The following PCLAF variants were observed in gnomAD, a reference collection of about 807,000 sequenced individuals.
The protein encoded by PCLAF is PCNA clamp associated factor, also known as PCNA-associated factor.
Under a neutral mutation model 15.1 loss-of-function variants are expected in PCLAF, and 12 were observed. That is an observed-to-expected ratio of 0.79 (90% CI 0.51 to 1.29). PCLAF has a LOEUF of 1.29. Ranked by LOEUF, PCLAF falls within the 50% of genes most tolerant of loss-of-function variation. The pLI, the probability that PCLAF is intolerant of heterozygous loss-of-function variation, is 0.00. For synonymous variants in PCLAF, 33 were observed against 47.1 expected (o/e 0.70, Z 1.22); for missense variants, 116 against 130.9 (o/e 0.89, Z 0.56).
At chr15:64,385,836 C>G (rs1372380690), upstream of PCLAF, among the ~76,000 whole-genome samples, 1 of 152,014 alleles carries the variant, frequency 6.6e-6, no homozygotes, top group Non-Finnish European at 1.5e-5. Flanking sequence ...ATATTTCTTC[C>G]TTCTGGAGCT....
Position 64,365,992 on chromosome 15 carries a change from AAAC to A in PCLAF, c.*35_*37del. On this transcript the variant is annotated 3_prime_UTR_variant, in exon 4 of 4. Transcript: ENST00000300035. ...AATTTACATTCTAGAATACCAGGGT[AAAC>A]AAGGAGACGTTATTCAAAGATGAAT... The A allele has an allele frequency of 1.3e-6, 2 of 1,518,136 alleles. No individual in the cohort carries two copies. Among genetic ancestry groups the A allele is most frequent in the African/African-American group, 2.7e-5 (2 of 73,010 alleles). 94.0% of individuals were successfully genotyped at this position (1,518,136 alleles called of 1,614,324 possible). A position where few individuals can be genotyped will look rare whatever the true frequency, so the allele number is the denominator to read the frequency against.
At chr15:64,376,265 T>C (rs1899599150) in intron 3 of PCLAF, among the ~76,000 whole-genome samples, 3 of 152,122 alleles carry the variant, frequency 2.0e-5, no homozygotes, top group Admixed American at 2.0e-4. Context: ...TGAGTTATAA[T>C]AAGAAATTAG....
upstream of PCLAF, chr15:64,383,073 A>G (rs1390909425): frequency 1.3e-5 from 2 of 155,432 alleles, no homozygotes; most frequent in Non-Finnish European, 2.9e-5. Flanking sequence ...AGGCTACTCT[A>G]GAAGTGTAAA....
chr15:64,375,641 C>G (rs552899090), intron 3 of PCLAF, among the ~76,000 whole-genome samples: 25 of 152,280 alleles, frequency 1.6e-4, no homozygotes, highest in African/African-American at 5.8e-4. Context: ...GATCTGCCCA[C>G]TGTAGCCTCC....
chr15:64,381,935 GA>G (rs1899834670), upstream of PCLAF, among the ~76,000 whole-genome samples: 1 of 152,172 alleles, frequency 6.6e-6, no homozygotes, highest in African/African-American at 2.4e-5. Context: ...ATGGAATGGG[GA>G]AAAGGAAGCT....
chr15:64,370,320 C>T (rs762214979), intron 3 of PCLAF, among the ~76,000 whole-genome samples: 13 of 151,434 alleles, frequency 8.6e-5, no homozygotes, highest in Non-Finnish European at 1.8e-4. Context: ...CAATCCTCCC[C>T]CTTCAGTCTC....
intron 3 of PCLAF, among the ~76,000 whole-genome samples, chr15:64,370,635 T>C (rs1207810312): frequency 6.6e-6 from 1 of 151,866 alleles, no homozygotes; most frequent in Non-Finnish European, 1.5e-5. Context: ...TTTCAAAATG[T>C]TGGGATTACA....
At chr15:64,374,568 G>A (rs1179142949) in intron 3 of PCLAF, among the ~76,000 whole-genome samples, 1 of 151,916 alleles carries the variant, frequency 6.6e-6, no homozygotes, top group African/African-American at 2.4e-5. Context: ...ACACTGGCCA[G>A]GTGTGGCAGC....
In PCLAF at chr15:64,374,928, C is replaced by T. The variant is rs141042250; in HGVS notation, c.290+1815G>A. 7.3e-5 allele frequency among the ~76,000 whole-genome samples: 11 copies of T among 151,338 alleles called. 1 individual carries two copies. In the East Asian group the frequency reaches 1.9e-3, roughly 27 times the overall value. On this transcript the variant is annotated intron_variant, in intron 3 of 3. Transcript: ENST00000300035. ...TTCATGAAATACAACGGATGAAACT[C>T]GGAAACTTTTTTTTAAAGGTTGCAC...
At position 64,380,908 on chromosome 15, in the gene PCLAF, G is replaced by A. The variant is rs1022444400; in HGVS notation, c.127+50C>T. The A allele has an allele frequency of 8.7e-6, 13 of 1,491,182 alleles. No homozygotes were observed. In the Admixed American group the frequency reaches 1.9e-4, roughly 22 times the overall value. 92.4% of individuals were successfully genotyped at this position (1,491,182 alleles called of 1,614,324 possible). On this transcript the variant is annotated intron_variant, in intron 2 of 3. Transcript: ENST00000300035. ...AAAAGAAATTCATGGCAAGCCAGGG[G>A]CTTGCAGGTGCCAGGACTGATCCCC... is the stretch of plus-strand genomic sequence containing the variant.
chr15:64,379,258 C>T (rs757194473), intron 2 of PCLAF, among the ~76,000 whole-genome samples: 86 of 152,100 alleles, frequency 5.7e-4, no homozygotes, highest in Middle Eastern at 6.8e-3. Flanking sequence ...GGGAGGATTG[C>T]TTCAGCCCAG....
At chr15:64,374,770 C>A (rs932772036) in intron 3 of PCLAF, among the ~76,000 whole-genome samples, 1 of 148,762 alleles carries the variant, frequency 6.7e-6, no homozygotes. Context: ...CAATCGAACC[C>A]AGGAGGCAGA....
intron 2 of PCLAF, among the ~76,000 whole-genome samples, chr15:64,377,407 C>T (rs1899635096): frequency 7.1e-6 from 1 of 140,556 alleles, no homozygotes; most frequent in Admixed American, 7.5e-5. Flanking sequence ...TCGGAGGTTG[C>T]AGTGAGCCAA....
chr15:64,374,363 C>A (rs1899500563), intron 3 of PCLAF, among the ~76,000 whole-genome samples: 1 of 150,862 alleles, frequency 6.6e-6, no homozygotes, highest in African/African-American at 2.4e-5. Flanking sequence ...ACGGTGAAAT[C>A]CCATCTCTAC....
At chr15:64,386,351 T>C (rs148188273), upstream of PCLAF, among the ~76,000 whole-genome samples, 182 of 152,266 alleles carry the variant, frequency 1.2e-3, no homozygotes, top group African/African-American at 4.1e-3. Flanking sequence ...AAAAAGGCCT[T>C]GCTCTGTCGC....
Position 64,381,348 on chromosome 15 carries a change from ACTGT to A in PCLAF, c.20_23del (p.Asp7ValfsTer84), listed in dbSNP as rs1899813581. 4 of 1,614,188 alleles carry A rather than the reference ACTGT, an allele frequency of 2.5e-6. No homozygotes were observed. Among genetic ancestry groups the A allele is most frequent in the Non-Finnish European group, 3.4e-6 (4 of 1,180,032 alleles). ...CACCTTTTCTGTAAGTGCCTGGAAC[ACTGT>A]CTGCTTTAGTCCGCACCATGTTCAA... On this transcript the variant is annotated frameshift_variant, in exon 1 of 4. Transcript: ENST00000300035. LOFTEE classifies it high-confidence loss of function.
chr15:64,366,695 G>C (rs60919600), intron 3 of PCLAF, among the ~76,000 whole-genome samples: 1,694 of 151,976 alleles, frequency 0.011, 36 homozygotes, highest in African/African-American at 0.039. Flanking sequence ...AAATCAGGCC[G>C]GGGTCGGTGG....
chr15:64,367,396 G>T (rs977373089), intron 3 of PCLAF, among the ~76,000 whole-genome samples: 1 of 151,470 alleles, frequency 6.6e-6, no homozygotes, highest in African/African-American at 2.4e-5. Context: ...CCAGCTACTT[G>T]GGAGGCTCAG....
chr15:64,375,696 T>TTA (rs2140528288), intron 3 of PCLAF, among the ~76,000 whole-genome samples: 1 of 152,120 alleles, frequency 6.6e-6, no homozygotes, highest in African/African-American at 2.4e-5. Context: ...CACAGCCTGG[T>TTA]TATATATTTC....
Sources: allele counts gnomAD v4.1 joint callset (sites outside exome capture counted in the v4.1 genomes callset), GRCh38; gene constraint gnomAD v4.1.1; transcripts MANE v1.5; gene names NCBI Gene and HGNC (gene_info 2026-07-23, HGNC 2026-07-21).